The following RPTOR variants were observed in gnomAD, a reference collection of about 807,000 sequenced individuals.
RPTOR encodes the protein regulatory-associated protein of mTOR.
In RPTOR, 21 loss-of-function variants were observed where a neutral mutation model predicts 169.9. The observed-to-expected ratio is 0.12, with a 90% CI of 0.09 to 0.18. The LOEUF (loss-of-function observed/expected upper bound fraction) is 0.18. Ranked by LOEUF, RPTOR falls within the 10% of genes least tolerant of loss-of-function variation. The pLI is 1.00. For missense variants in RPTOR, 1,133 were observed against 1,855.9 expected (o/e 0.61, Z 7.16); for synonymous variants, 732 against 753.2 (o/e 0.97, Z 0.46).
At chr17:80,829,154 TAG>T (rs2067475949) in intron 9 of RPTOR, among the ~76,000 whole-genome samples, 1 of 152,248 alleles carries the variant, frequency 6.6e-6, no homozygotes. Context: ...TTTTTAAAAA[TAG>T]AGTCTTTATG....
rs796087762 is a variant in RPTOR, at chr17:80,665,485, T to G, written c.348+21675T>G. 3.6e-4 allele frequency among the ~76,000 whole-genome samples: 17 copies of G among 47,458 alleles called. 1 individual carries two copies. Among genetic ancestry groups the G allele is most frequent in the African/African-American group, 2.3e-3 (14 of 6,068 alleles). The allele number at this position is 47,458 out of a possible 152,430, so 31.1% of individuals were successfully genotyped here. A position where few individuals can be genotyped will look rare whatever the true frequency, so the allele number is the denominator to read the frequency against. ...TTCCTTTCCTTTCCTTTCCTTTCCT[T>G]TCCTTTCCTTTCCTTTCCATGTCCT... On this transcript the variant is annotated intron_variant, in intron 3 of 33. Transcript: ENST00000306801.
chr17:80,556,718 A>G (rs912444744), intron 1 of RPTOR, among the ~76,000 whole-genome samples: 5 of 151,472 alleles, frequency 3.3e-5, no homozygotes, highest in African/African-American at 9.7e-5. Context: ...CTTGAAATGG[A>G]TATACTTTTC....
chr17:80,864,866 A>G (rs1487265912), intron 13 of RPTOR, among the ~76,000 whole-genome samples: 1 of 152,240 alleles, frequency 6.6e-6, no homozygotes, highest in African/African-American at 2.4e-5. Context: ...TTACGAGACA[A>G]GGTCTCATTC....
chr17:80,630,278 A>G (rs570187990), intron 2 of RPTOR, among the ~76,000 whole-genome samples: 7 of 152,352 alleles, frequency 4.6e-5, no homozygotes, highest in African/African-American at 1.4e-4. Flanking sequence ...GAAGAACAAT[A>G]GCGAATGAGG....
intron 4 of RPTOR, chr17:80,709,235 G>A (rs555228044): frequency 2.1e-5 from 7 of 330,580 alleles, no homozygotes; most frequent in African/African-American, 1.1e-4. Flanking sequence ...AACGATCGTT[G>A]TGAAGGAAGT....
At chr17:80,807,774 A>T (rs1038827123) in intron 7 of RPTOR, among the ~76,000 whole-genome samples, 4 of 151,806 alleles carry the variant, frequency 2.6e-5, no homozygotes, top group African/African-American at 9.7e-5. Context: ...TCTTTACTAT[A>T]CTTTGAGCAT....
At chr17:80,910,678 G>C (rs2068601417) in intron 21 of RPTOR, among the ~76,000 whole-genome samples, 1 of 152,056 alleles carries the variant, frequency 6.6e-6, no homozygotes, top group Admixed American at 6.6e-5. Context: ...GGCCTTCTGG[G>C]TCCTGGCCGG....
At chr17:80,952,408 C>T (rs908168136) in intron 28 of RPTOR, among the ~76,000 whole-genome samples, 7 of 152,218 alleles carry the variant, frequency 4.6e-5, no homozygotes, top group Non-Finnish European at 1.0e-4. Flanking sequence ...AGGTTTCATC[C>T]TCCCCTGGAA....
intron 1 of RPTOR, among the ~76,000 whole-genome samples, chr17:80,567,231 A>G (rs1406971479): frequency 1.3e-5 from 2 of 151,932 alleles, no homozygotes; most frequent in Non-Finnish European, 2.9e-5. Context: ...TCAGCCTCTC[A>G]AAGTACTGGG....
rs1461884044 is a variant in RPTOR at position 80,906,350 on chromosome 17, T to C, written c.2402-2461T>C. ...TGGACCGATTTTACATTTCCGAGAC[T>C]TGCTTGTGGATCTACACGGCTATCG... is the stretch of plus-strand genomic sequence containing the variant. On this transcript the variant is annotated intron_variant, in intron 20 of 33. Coordinates refer to ENST00000306801, the MANE Select transcript of RPTOR (RefSeq NM_020761.3). Among the ~76,000 whole-genome samples, 3 of 132,190 alleles carry C rather than the reference T, an allele frequency of 2.3e-5. No homozygotes were observed. The East Asian group carries it at 6.8e-4, about 30-fold the overall frequency. 86.7% of individuals were successfully genotyped at this position (132,190 alleles called of 152,430 possible). A position where few individuals can be genotyped will look rare whatever the true frequency, so the allele number is the denominator to read the frequency against.
chr17:80,923,812 C>T lies in RPTOR; in HGVS notation c.2808+139C>T. 9.6e-6 allele frequency: 9 copies of T among 941,408 alleles called. No individual in the cohort carries two copies. In the South Asian group the frequency reaches 1.4e-4, roughly 15 times the overall value. 58.3% of individuals were successfully genotyped at this position (941,408 alleles called of 1,614,324 possible). A position where few individuals can be genotyped will look rare whatever the true frequency, so the allele number is the denominator to read the frequency against. ...ACCCTGCCGTCCTGGGTCTGTGGGC[C>T]ACTCTCTGCCTTTGCAGACCCGGGT... On this transcript the variant is annotated intron_variant, in intron 23 of 33. Coordinates refer to ENST00000306801, the MANE Select transcript of RPTOR (RefSeq NM_020761.3).
chr17:80,939,691 G>T (rs1436209732), intron 24 of RPTOR, among the ~76,000 whole-genome samples: 3 of 152,156 alleles, frequency 2.0e-5, no homozygotes, highest in South Asian at 2.1e-4. Flanking sequence ...CTTCTGTCTC[G>T]TAAGCTCCCT....
intron 3 of RPTOR, among the ~76,000 whole-genome samples, chr17:80,662,188 C>T (rs57678654): frequency 0.31 from 47,649 of 152,042 alleles, 7,990 homozygotes; most frequent in Non-Finnish European, 0.38. Context: ...CCCTCAGCCC[C>T]CTTTCCAGTC....
In RPTOR at chr17:80,964,563, AC is replaced by A; in HGVS notation, c.*235del. On this transcript the variant is annotated 3_prime_UTR_variant, in exon 34 of 34. Coordinates refer to ENST00000306801, the MANE Select transcript of RPTOR (RefSeq NM_020761.3). ...GGTTGACGGTGGCTTCCCACTGAGCACCAGCATCCAGGTGCACCCCCGCGGC... is the reference window on the plus strand; with the variant it reads ...GGTTGACGGTGGCTTCCCACTGAGCACAGCATCCAGGTGCACCCCCGCGGC... 1.7e-6 allele frequency: 1 copy of A among 575,668 alleles called. No homozygotes were observed. The highest frequency in any genetic ancestry group is 3.1e-6 in the Non-Finnish European group (1 of 320,478). 35.7% of individuals were successfully genotyped at this position (575,668 alleles called of 1,614,324 possible). A position where few individuals can be genotyped will look rare whatever the true frequency, so the allele number is the denominator to read the frequency against.
Position 80,923,493 on chromosome 17 carries a change from C to T in RPTOR, c.2628C>T (p.Gly876=). 1.2e-6 allele frequency: 2 copies of T among 1,612,844 alleles called. No individual in the cohort carries two copies. The highest frequency in any genetic ancestry group is 2.2e-5 in the East Asian group (1 of 44,882). The part of the protein sequence containing the change: ...NKGVHIHQAG[G]SPPASSTSSS... ...TTTGTTTTTCTTCCAATGGCAGGGG[C>T]TCCCCTCCGGCGTCCAGCACCAGCA... Residue 876 remains glycine (G), a synonymous_variant, in exon 23 of 34, where the codon GGC becomes GGT. Coordinates refer to ENST00000306801, the MANE Select transcript of RPTOR (RefSeq NM_020761.3).
rs992979154 is a variant in RPTOR, at chr17:80,726,061, C to A, written c.508-4499C>A. On this transcript the variant is annotated intron_variant, in intron 4 of 33. Coordinates refer to ENST00000306801, the MANE Select transcript of RPTOR (RefSeq NM_020761.3). This position sits in a 1 kb window ranked among gnomAD's most constrained non-coding sequence, Gnocchi z 4.5. The stretch of plus-strand genomic sequence containing the variant: ...CACAGGGCAGCCCCACAAGGAGCGG[C>A]CCGGCCCCAAATGGCCCTGGTGCTG... 2.0e-5 allele frequency among the ~76,000 whole-genome samples: 3 copies of A among 152,144 alleles called. No individual in the cohort carries two copies. Among genetic ancestry groups the A allele is most frequent in the Non-Finnish European group, 2.9e-5 (2 of 68,030 alleles).
At chr17:80,720,295 C>CAA (rs983465111) in intron 4 of RPTOR, among the ~76,000 whole-genome samples, 11 of 137,004 alleles carry the variant, frequency 8.0e-5, no homozygotes, top group African/African-American at 2.9e-4. Flanking sequence ...GAAACTGTCT[C>CAA]AAAAAAAAAA....
rs572419245 is a variant in RPTOR at position 80,965,486 on chromosome 17, C to T, written c.*1156C>T. On this transcript the variant is annotated 3_prime_UTR_variant, in exon 34 of 34. Transcript: ENST00000306801. ...GGAGGGGCCGCAGGGCGTGTATGAGCAGTTTTGCAAACAGAACACAACCAC... is the reference window on the plus strand; with the variant it reads ...GGAGGGGCCGCAGGGCGTGTATGAGTAGTTTTGCAAACAGAACACAACCAC... 2 of 233,418 alleles carry T rather than the reference C, an allele frequency of 8.6e-6. No individual in the cohort carries two copies. Among genetic ancestry groups the T allele is most frequent in the South Asian group, 3.6e-4 (2 of 5,536 alleles). 14.5% of individuals were successfully genotyped at this position (233,418 alleles called of 1,614,324 possible).
chr17:80,894,747 C>T (rs2068376824), intron 20 of RPTOR, among the ~76,000 whole-genome samples: 1 of 151,856 alleles, frequency 6.6e-6, no homozygotes, highest in Non-Finnish European at 1.5e-5. Context: ...TTTACAGAGA[C>T]TTATATAAGA....
Sources: gnomAD v4.1 joint callset for allele counts (sites outside exome capture counted in the v4.1 genomes callset) on GRCh38, gnomAD v4.1.1 for gene constraint, Gnocchi (gnomAD v3.1) non-coding constraint, MANE v1.5 for transcripts, NCBI Gene and HGNC (gene_info 2026-07-23, HGNC 2026-07-21) for gene names.